CCDC93: variants seen among roughly 807,000 people sequenced by gnomAD.
CCDC93 encodes the protein coiled-coil domain-containing protein 93.
Under a neutral mutation model 108.2 loss-of-function variants are expected in CCDC93, and 61 were observed. The observed-to-expected ratio is 0.56, with a 90% CI of 0.46 to 0.70. CCDC93 has a LOEUF of 0.70. Ranked by LOEUF, CCDC93 falls within the 30% of genes least tolerant of loss-of-function variation. The pLI is 0.00. For missense variants in CCDC93, 685 were observed against 764.2 expected (o/e 0.90, Z 1.22); for synonymous variants, 276 against 260.4 (o/e 1.06, Z -0.58).
At chr2:118,000,291 G>C (rs1273835362) in intron 4 of CCDC93, 1 of 152,746 alleles carries the variant, frequency 6.5e-6, no homozygotes, top group Non-Finnish European at 1.5e-5. Flanking sequence ...TAGCGGATGA[G>C]GGAAGGCTTT....
chr2:117,972,197 T>TC (rs1232176944), intron 11 of CCDC93, among the ~76,000 whole-genome samples: 1 of 152,182 alleles, frequency 6.6e-6, no homozygotes, highest in Non-Finnish European at 1.5e-5. Flanking sequence ...CCTGTGTTGA[T>TC]CAAGAATCAA....
intron 6 of CCDC93, among the ~76,000 whole-genome samples, chr2:117,995,240 G>C (rs1680607237): frequency 6.6e-6 from 1 of 152,236 alleles, no homozygotes; most frequent in South Asian, 2.1e-4. Context: ...GGACAGAACA[G>C]TAGTGTGGCA....
chr2:117,916,049 C>A lies in CCDC93; in HGVS notation c.*4294G>T, dbSNP rs1677672872. On this transcript the variant is annotated 3_prime_UTR_variant, in exon 24 of 24. Transcript: ENST00000376300. Reference sequence around the variant, plus strand: ...TACACAAGTACCTTGTACACAGGTACAATTCTTAGGAGTAGCATTGCTAGT... The same window carrying A: ...TACACAAGTACCTTGTACACAGGTAAAATTCTTAGGAGTAGCATTGCTAGT... 6.6e-6 allele frequency: 1 copy of A among 152,198 alleles called. No individual in the cohort carries two copies. Among genetic ancestry groups the A allele is most frequent in the Non-Finnish European group, 1.5e-5 (1 of 68,036 alleles). 9.4% of individuals were successfully genotyped at this position (152,198 alleles called of 1,614,324 possible).
At chr2:118,012,226 CT>C (rs1677037967) in intron 1 of CCDC93, among the ~76,000 whole-genome samples, 1 of 151,524 alleles carries the variant, frequency 6.6e-6, no homozygotes, top group Non-Finnish European at 1.5e-5. Context: ...ATGAACCGAG[CT>C]CACGCCATTG....
intron 18 of CCDC93, among the ~76,000 whole-genome samples, chr2:117,943,430 C>G (rs1227938068): frequency 6.6e-6 from 1 of 152,172 alleles, no homozygotes; most frequent in African/African-American, 2.4e-5. Context: ...CTAATTTAAC[C>G]CTCTCAGCTC....
intron 23 of CCDC93, among the ~76,000 whole-genome samples, chr2:117,930,458 T>G (rs957544654): frequency 6.6e-6 from 1 of 152,138 alleles, no homozygotes; most frequent in Non-Finnish European, 1.5e-5. Context: ...AAAACCGAAA[T>G]TCAGTTGAGT....
At chr2:117,935,444 C>G in intron 22 of CCDC93, 51 bp downstream of exon 22, 1 of 1,394,250 alleles carries the variant, frequency 7.2e-7, no homozygotes, top group Non-Finnish European at 1.0e-6. Flanking sequence ...AGGACCTTCC[C>G]TGTCACCACT....
chr2:117,982,381 A>T (rs1437793552), intron 7 of CCDC93, among the ~76,000 whole-genome samples: 1 of 152,174 alleles, frequency 6.6e-6, no homozygotes, highest in Non-Finnish European at 1.5e-5. Context: ...TTTTGTTTAC[A>T]TCCAAAATCA....
intron 23 of CCDC93, among the ~76,000 whole-genome samples, chr2:117,925,908 A>C (rs1299741077): frequency 6.6e-6 from 1 of 152,256 alleles, no homozygotes; most frequent in East Asian, 1.9e-4. Flanking sequence ...CAGAAATTAT[A>C]ACAAACTGTC....
At chr2:117,926,852 T>C (rs951541882) in intron 23 of CCDC93, among the ~76,000 whole-genome samples, 6 of 152,114 alleles carry the variant, frequency 3.9e-5, no homozygotes, top group African/African-American at 1.2e-4. Context: ...CTGATGAACA[T>C]TGATGCAAAA....
intron 13 of CCDC93, chr2:117,951,011 T>C: frequency 1.0e-6 from 1 of 985,070 alleles, no homozygotes; most frequent in Non-Finnish European, 1.2e-6. Flanking sequence ...CCCTCCACCT[T>C]TCTATAACAT....
chr2:117,985,524 ATTT>A, intron 7 of CCDC93: 1 of 364,874 alleles, frequency 2.7e-6, no homozygotes, highest in Non-Finnish European at 3.3e-6. Flanking sequence ...ATAAAATAAG[ATTT>A]TTTTTTTTTA....
At chr2:118,011,656 G>A (rs1456761245) in intron 1 of CCDC93, among the ~76,000 whole-genome samples, 1 of 151,826 alleles carries the variant, frequency 6.6e-6, no homozygotes, top group Non-Finnish European at 1.5e-5. Context: ...ATGAAAACAT[G>A]AGAAGAAGAC....
At chr2:117,998,502 A>C (rs947358406) in intron 4 of CCDC93, 1 of 152,164 alleles carries the variant, frequency 6.6e-6, no homozygotes, top group Admixed American at 6.5e-5. Flanking sequence ...TACCTGGAAA[A>C]CTACAGGTGG....
chr2:117,995,270 G>A, intron 6 of CCDC93, 176 bp downstream of exon 6: 2 of 636,186 alleles, frequency 3.1e-6, no homozygotes, highest in South Asian at 1.9e-5. Flanking sequence ...TGTGCATACT[G>A]GTGTCCTGGC....
At chr2:117,998,358 CA>C (rs1304798237) in intron 4 of CCDC93, 2 of 152,176 alleles carry the variant, frequency 1.3e-5, no homozygotes, top group Non-Finnish European at 2.9e-5. Flanking sequence ...GCAAAAGCTA[CA>C]GGCACATGGT....
intron 12 of CCDC93, among the ~76,000 whole-genome samples, chr2:117,957,553 G>A (rs772263573): frequency 6.6e-6 from 1 of 152,158 alleles, no homozygotes; most frequent in Non-Finnish European, 1.5e-5. Context: ...CAAACAGAAT[G>A]GTCTTTACAA....
At chr2:118,001,894 A>G (rs1328654902) in intron 3 of CCDC93, among the ~76,000 whole-genome samples, 1 of 152,208 alleles carries the variant, frequency 6.6e-6, no homozygotes, top group Non-Finnish European at 1.5e-5. Flanking sequence ...TAATTGGATC[A>G]GACTCAAGGG....
intron 7 of CCDC93, among the ~76,000 whole-genome samples, chr2:117,984,052 A>AT (rs749141458): frequency 2.6e-5 from 4 of 152,284 alleles, no homozygotes; most frequent in Non-Finnish European, 5.9e-5. Context: ...TAAGAAAGTC[A>AT]TTTTTTAACC....
Sources: gnomAD v4.1 joint callset for allele counts (sites outside exome capture counted in the v4.1 genomes callset) on GRCh38, gnomAD v4.1.1 for gene constraint, MANE v1.5 for transcripts, NCBI Gene and HGNC (gene_info 2026-07-23, HGNC 2026-07-21) for gene names.